Variants in ATP2B2 observed in about 807,000 individuals in gnomAD.
The protein encoded by ATP2B2 is ATPase plasma membrane Ca2+ transporting 2, also known as plasma membrane calcium-transporting ATPase 2.
A neutral mutation model predicts 120.0 loss-of-function variants in ATP2B2; 15 were observed. That is an observed-to-expected ratio of 0.12 (90% CI 0.08 to 0.19). The LOEUF (loss-of-function observed/expected upper bound fraction) is 0.19, where lower values mean the gene tolerates loss of function less well. Among genes scored for constraint, ATP2B2 ranks in the 10% least tolerant of loss-of-function variants. ATP2B2 has a pLI of 1.00. For synonymous variants in ATP2B2, 694 were observed against 700.3 expected (o/e 0.99, Z 0.14); for missense variants, 1,045 against 1,719.8 (o/e 0.61, Z 6.94).
At chr3:10,397,576 G>C (rs113281618) in intron 5 of ATP2B2, among the ~76,000 whole-genome samples, 1,862 of 152,224 alleles carry the variant, frequency 0.012, 40 homozygotes, top group African/African-American at 0.041. Flanking sequence ...GGTGGGGCTT[G>C]AGCAGATGGA....
chr3:10,359,784 C>T, intron 13 of ATP2B2, 98 bp downstream of exon 13: 7 of 1,560,264 alleles, frequency 4.5e-6, no homozygotes, highest in Non-Finnish European at 6.1e-6. Context: ...GGCTGCTGAG[C>T]CTGGCCTGGA....
At chr3:10,475,465 T>C (rs545288673) in intron 1 of ATP2B2, among the ~76,000 whole-genome samples, 1 of 152,216 alleles carries the variant, frequency 6.6e-6, no homozygotes, top group Non-Finnish European at 1.5e-5. Flanking sequence ...GCACCTACTA[T>C]GTGTTGGGCA....
intron 2 of ATP2B2, among the ~76,000 whole-genome samples, chr3:10,543,940 C>T (rs138284640): frequency 1.5e-4 from 23 of 152,064 alleles, no homozygotes; most frequent in South Asian, 1.0e-3. Context: ...GGTTTCACCA[C>T]GTTGGCCAGG....
At chr3:10,496,166 A>G (rs1055967059) in intron 1 of ATP2B2, among the ~76,000 whole-genome samples, 3 of 152,184 alleles carry the variant, frequency 2.0e-5, no homozygotes, top group Non-Finnish European at 4.4e-5. Flanking sequence ...TGGCCTAAAG[A>G]GCTCTTAATC....
chr3:10,587,655 C>T (rs2068542452), intron 2 of ATP2B2, among the ~76,000 whole-genome samples: 2 of 152,216 alleles, frequency 1.3e-5, no homozygotes, highest in Admixed American at 1.3e-4. Context: ...GCAGGGATTA[C>T]AGGCATGAGC....
chr3:10,613,788 C>T (rs1282675983), intron 2 of ATP2B2, among the ~76,000 whole-genome samples: 5 of 152,050 alleles, frequency 3.3e-5, no homozygotes, highest in African/African-American at 9.7e-5. Flanking sequence ...GAGCCTGTAT[C>T]CCCCACCCAG....
intron 2 of ATP2B2, among the ~76,000 whole-genome samples, chr3:10,540,548 G>A (rs965504409): frequency 4.6e-5 from 7 of 152,102 alleles, no homozygotes; most frequent in Admixed American, 4.6e-4. Flanking sequence ...CATAAAAAAG[G>A]ATGAGTTAAT....
intron 2 of ATP2B2, among the ~76,000 whole-genome samples, chr3:10,543,821 C>A (rs1236746093): frequency 2.6e-5 from 4 of 151,898 alleles, no homozygotes; most frequent in Non-Finnish European, 5.9e-5. Context: ...TCACTGCAAC[C>A]TCCACCTCCT....
chr3:10,682,059 C>A (rs776603981), intron 1 of ATP2B2, among the ~76,000 whole-genome samples: 1 of 152,166 alleles, frequency 6.6e-6, no homozygotes, highest in Non-Finnish European at 1.5e-5. Flanking sequence ...AGTAGGAGTT[C>A]ACCAGGCAAA....
chr3:10,703,623 T>G (rs948490992), intron 1 of ATP2B2, among the ~76,000 whole-genome samples: 1 of 152,176 alleles, frequency 6.6e-6, no homozygotes, highest in African/African-American at 2.4e-5. Flanking sequence ...TCTACTTGAG[T>G]GATTCTGGCT....
chr3:10,669,183 C>T (rs2071027668), intron 1 of ATP2B2, among the ~76,000 whole-genome samples: 1 of 152,192 alleles, frequency 6.6e-6, no homozygotes, highest in Non-Finnish European at 1.5e-5. Context: ...CTCTTCCTGT[C>T]CCAAAGAGGA....
chr3:10,373,457 A>C (rs1194547744), intron 11 of ATP2B2, among the ~76,000 whole-genome samples: 1 of 152,226 alleles, frequency 6.6e-6, no homozygotes, highest in African/African-American at 2.4e-5. Flanking sequence ...ATGTATTGTG[A>C]CTACACCTAT....
At chr3:10,400,918 G>A (rs772215327) in intron 5 of ATP2B2, 35 bp downstream of exon 5, 130 of 1,613,096 alleles carry the variant, frequency 8.1e-5, no homozygotes, top group Admixed American at 2.0e-4. Flanking sequence ...TGTGCATGGC[G>A]ACGGGAATGG....
At chr3:10,371,452 C>T (rs991111226) in intron 12 of ATP2B2, among the ~76,000 whole-genome samples, 4 of 152,212 alleles carry the variant, frequency 2.6e-5, no homozygotes, top group African/African-American at 9.7e-5. Context: ...ATTGCTGACT[C>T]ACAGGACTTT....
chr3:10,453,360 T>C (rs921285912), intron 1 of ATP2B2, among the ~76,000 whole-genome samples: 3 of 152,240 alleles, frequency 2.0e-5, no homozygotes, highest in African/African-American at 4.8e-5. Flanking sequence ...GTGATTATTA[T>C]TGTCAATCCA....
chr3:10,551,649 C>T (rs996244015), intron 2 of ATP2B2, among the ~76,000 whole-genome samples: 25 of 152,202 alleles, frequency 1.6e-4, no homozygotes, highest in African/African-American at 6.0e-4. Flanking sequence ...ACCTTCAGCC[C>T]GGCAACTGTA....
At chr3:10,622,129 C>T (rs941829823) in intron 1 of ATP2B2, among the ~76,000 whole-genome samples, 1 of 152,068 alleles carries the variant, frequency 6.6e-6, no homozygotes, top group African/African-American at 2.4e-5. Context: ...AGGGGCCCCC[C>T]TAGGCTCCCC....
rs545510427 is a variant in ATP2B2 at position 10,692,875 on chromosome 3, G to T, written c.-460+15040C>A. On this transcript the variant is annotated intron_variant, in intron 1 of 21. Coordinates refer to the ATP2B2 transcript ENST00000646379. ...CGCCAGACACTGTGCACTCACTGGGGGATTCCTATGTGGGTGGGTGGGTGG... is the reference window on the plus strand; with the variant it reads ...CGCCAGACACTGTGCACTCACTGGGTGATTCCTATGTGGGTGGGTGGGTGG... 5.7e-5 allele frequency among the ~76,000 whole-genome samples: 7 copies of T among 122,896 alleles called. No individual in the cohort carries two copies. In the South Asian group the frequency reaches 8.5e-4, roughly 15 times the overall value. 80.6% of individuals were successfully genotyped at this position (122,896 alleles called of 152,430 possible). A position where few individuals can be genotyped will look rare whatever the true frequency, so the allele number is the denominator to read the frequency against.
chr3:10,549,249 C>T (rs959552660), intron 2 of ATP2B2, among the ~76,000 whole-genome samples: 1 of 152,172 alleles, frequency 6.6e-6, no homozygotes, highest in African/African-American at 2.4e-5. Context: ...TCAGTGGCCC[C>T]CTTCCCTGTG....
Sources: allele counts gnomAD v4.1 joint callset (sites outside exome capture counted in the v4.1 genomes callset), GRCh38; gene constraint gnomAD v4.1.1; transcripts MANE v1.5; gene names NCBI Gene and HGNC (gene_info 2026-07-23, HGNC 2026-07-21).